The following UVRAG variants were observed in gnomAD, a reference collection of about 807,000 sequenced individuals.
UVRAG encodes UV radiation resistance-associated gene protein.
In UVRAG, 19 loss-of-function variants were observed where a neutral mutation model predicts 78.0. That is an observed-to-expected ratio of 0.24 (90% CI 0.17 to 0.36). The LOEUF (loss-of-function observed/expected upper bound fraction) is 0.36. Ranked by LOEUF, UVRAG falls within the 10% of genes least tolerant of loss-of-function variation. The pLI, the probability that UVRAG is intolerant of heterozygous loss-of-function variation, is 1.00. For missense variants in UVRAG, 740 were observed against 853.8 expected (o/e 0.87, Z 1.66); for synonymous variants, 323 against 324.6 (o/e 1.00, Z 0.05).
chr11:76,031,377 T>A (rs1038357065), intron 12 of UVRAG, among the ~76,000 whole-genome samples: 6 of 152,206 alleles, frequency 3.9e-5, no homozygotes, highest in African/African-American at 1.4e-4. Context: ...TTGTGAAGAT[T>A]AGGCATTCCG....
intron 14 of UVRAG, among the ~76,000 whole-genome samples, chr11:76,133,958 C>CT (rs146371592): frequency 0.033 from 4,439 of 132,744 alleles, 85 homozygotes; most frequent in African/African-American, 0.045. Context: ...TTTTTCTTTT[C>CT]TTTTTTTTTT....
At chr11:75,910,601 C>T (rs1015150128) in intron 5 of UVRAG, among the ~76,000 whole-genome samples, 1 of 148,732 alleles carries the variant, frequency 6.7e-6, no homozygotes, top group African/African-American at 2.5e-5. Flanking sequence ...AGTGGTGTGA[C>T]CGCCAGATTG....
At chr11:75,866,341 G>A (rs538191198) in intron 3 of UVRAG, among the ~76,000 whole-genome samples, 20 of 151,444 alleles carry the variant, frequency 1.3e-4, no homozygotes, top group South Asian at 4.2e-4. Flanking sequence ...GCAAGATGAC[G>A]AGACTCCCAT....
At chr11:75,901,866 A>C (rs551784363) in intron 5 of UVRAG, among the ~76,000 whole-genome samples, 52 of 152,246 alleles carry the variant, frequency 3.4e-4, no homozygotes, top group African/African-American at 1.2e-3. Context: ...TCATTTCTAT[A>C]GGAAGGTTTT....
chr11:76,016,248 G>A (rs1258017517), intron 11 of UVRAG, among the ~76,000 whole-genome samples: 1 of 152,084 alleles, frequency 6.6e-6, no homozygotes, highest in African/African-American at 2.4e-5. Context: ...GCTGTTTAAA[G>A]CATTTTCCCC....
intron 13 of UVRAG, among the ~76,000 whole-genome samples, chr11:76,094,286 C>T (rs957627398): frequency 2.6e-5 from 4 of 152,188 alleles, no homozygotes; most frequent in Admixed American, 1.3e-4. Flanking sequence ...ATTTTTGCAT[C>T]GATGTTCATA....
intron 13 of UVRAG, among the ~76,000 whole-genome samples, chr11:76,091,898 A>G (rs1038076308): frequency 1.3e-4 from 20 of 151,972 alleles, no homozygotes; most frequent in African/African-American, 4.4e-4. Context: ...GGTTTGTTAC[A>G]TATGTATACA....
At chr11:76,012,866 C>G (rs776374399) in intron 11 of UVRAG, 1 of 146,476 alleles carries the variant, frequency 6.8e-6, no homozygotes, top group African/African-American at 2.5e-5. Context: ...ATCCATAACA[C>G]GAGAGCCTTT....
At chr11:75,858,828 T>C (rs921876446) in intron 2 of UVRAG, among the ~76,000 whole-genome samples, 3 of 152,206 alleles carry the variant, frequency 2.0e-5, no homozygotes, top group African/African-American at 7.2e-5. Flanking sequence ...GTATTTCTCC[T>C]ATTATGAGTC....
In UVRAG at chr11:75,884,240, T is replaced by TCTCTTTCTC. The variant is rs1555080662; in HGVS notation, c.432+4200_432+4201insCTCTTTCTC. 4.7e-3 allele frequency among the ~76,000 whole-genome samples: 621 copies of TCTCTTTCTC among 132,506 alleles called. 1 individual carries two copies. The highest frequency in any genetic ancestry group is 0.018 in the African/African-American group (560 of 31,104). 86.9% of individuals were successfully genotyped at this position (132,506 alleles called of 152,430 possible). On this transcript the variant is annotated intron_variant, in intron 4 of 14. Transcript: ENST00000356136. The stretch of plus-strand genomic sequence containing the variant: ...TCTCTCTCTCTCTCTCTCTCTCTCT[T>TCTCTTTCTC]TCTCTCTCTCTCTCTGTGTGAAGTG...
At chr11:75,957,086 C>CT (rs1948813682) in intron 6 of UVRAG, among the ~76,000 whole-genome samples, 2 of 151,394 alleles carry the variant, frequency 1.3e-5, no homozygotes, top group Non-Finnish European at 2.9e-5. Context: ...TAATTTATTC[C>CT]TTTTTAATTT....
At chr11:75,970,859 T>C (rs138421827) in intron 7 of UVRAG, among the ~76,000 whole-genome samples, 139 of 152,300 alleles carry the variant, frequency 9.1e-4, no homozygotes, top group African/African-American at 2.9e-3. Context: ...TTAATTAATA[T>C]TAATACATTA....
At chr11:76,052,869 A>G (rs1266489057) in intron 12 of UVRAG, among the ~76,000 whole-genome samples, 1 of 151,716 alleles carries the variant, frequency 6.6e-6, no homozygotes, top group Non-Finnish European at 1.5e-5. Flanking sequence ...ATAATTCCCT[A>G]TTCGATATTT....
At chr11:75,943,877 A>G (rs946794860) in intron 6 of UVRAG, among the ~76,000 whole-genome samples, 6 of 152,182 alleles carry the variant, frequency 3.9e-5, no homozygotes, top group African/African-American at 1.4e-4. Flanking sequence ...AGGAATGTAG[A>G]AGCAGGCTTT....
chr11:76,053,308 A>AACACACACACACACACACATACAC (rs1950905061), intron 12 of UVRAG, among the ~76,000 whole-genome samples: 1 of 140,698 alleles, frequency 7.1e-6, no homozygotes, highest in African/African-American at 2.7e-5. Flanking sequence ...TCTGTCTCAA[A>AACACACACACACACACACATACAC]ACACACACAC....
intron 13 of UVRAG, among the ~76,000 whole-genome samples, chr11:76,098,355 C>G (rs1221493967): frequency 6.6e-6 from 1 of 152,088 alleles, no homozygotes; most frequent in Non-Finnish European, 1.5e-5. Flanking sequence ...TTCTGTCAAG[C>G]AGGTGTTGTT....
At chr11:76,033,562 A>C (rs568522510) in intron 12 of UVRAG, among the ~76,000 whole-genome samples, 5 of 152,230 alleles carry the variant, frequency 3.3e-5, no homozygotes, top group Non-Finnish European at 7.4e-5. Context: ...AGAAAAAAAA[A>C]CCTTGTCTAT....
At chr11:76,127,317 T>A (rs571605419) in intron 14 of UVRAG, among the ~76,000 whole-genome samples, 1 of 152,252 alleles carries the variant, frequency 6.6e-6, no homozygotes, top group African/African-American at 2.4e-5. Flanking sequence ...TAGATTGGCA[T>A]GGTTAAAGAA....
chr11:75,833,864 G>A (rs1179352724), intron 1 of UVRAG, among the ~76,000 whole-genome samples: 2 of 152,248 alleles, frequency 1.3e-5, no homozygotes, highest in Admixed American at 1.3e-4. Flanking sequence ...ACGTCTTTAA[G>A]TGGTTTTCCA....
Sources: allele counts gnomAD v4.1 joint callset (sites outside exome capture counted in the v4.1 genomes callset), GRCh38; gene constraint gnomAD v4.1.1; transcripts MANE v1.5; gene names NCBI Gene and HGNC (gene_info 2026-07-23, HGNC 2026-07-21).